Variants in WWOX observed in about 807,000 individuals in gnomAD.
The protein encoded by WWOX is WW domain containing oxidoreductase, also known as WW domain-containing oxidoreductase.
Under a neutral mutation model 46.2 loss-of-function variants are expected in WWOX, and 69 were observed. The ratio of observed to expected loss-of-function variants is 1.49; its 90% CI spans 1.23 to 1.82. WWOX has a LOEUF of 1.82. WWOX is among the 40% of genes most tolerant of loss of function. The pLI, the probability that WWOX is intolerant of heterozygous loss-of-function variation, is 0.00. For missense variants in WWOX, 919 were observed against 542.6 expected, an observed-to-expected ratio of 1.69 and a Z score of -6.89; for synonymous variants, 359 against 202.6, an observed-to-expected ratio of 1.77 and a Z score of -6.56.
intron 8 of WWOX, among the ~76,000 whole-genome samples, chr16:78,686,444 G>T (rs1417636900): frequency 2.6e-5 from 4 of 151,942 alleles, no homozygotes; most frequent in Admixed American, 2.0e-4. Flanking sequence ...CCGGGAGGTG[G>T]AGTTTGCAGT....
intron 8 of WWOX, among the ~76,000 whole-genome samples, chr16:78,940,437 G>A (rs1480202730): frequency 3.9e-5 from 6 of 152,164 alleles, no homozygotes; most frequent in Admixed American, 6.5e-5. Context: ...TTGCTTTTTA[G>A]ATACAAGTCA....
chr16:78,304,509 A>G (rs1355971347), intron 5 of WWOX, among the ~76,000 whole-genome samples: 2 of 152,220 alleles, frequency 1.3e-5, no homozygotes, highest in Non-Finnish European at 2.9e-5. Flanking sequence ...GGGTCTTAGT[A>G]AAATGTCTGC....
intron 8 of WWOX, chr16:78,780,395 A>G (rs1205380466): frequency 6.6e-6 from 1 of 152,222 alleles, no homozygotes; most frequent in African/African-American, 2.4e-5. Flanking sequence ...AATTCATGTC[A>G]TCCTTTGGAT....
At chr16:78,584,287 C>T (rs1482354724) in intron 8 of WWOX, among the ~76,000 whole-genome samples, 1 of 152,182 alleles carries the variant, frequency 6.6e-6, no homozygotes, top group Non-Finnish European at 1.5e-5. Context: ...TATTCCCAAC[C>T]ATGGAGTCAT....
chr16:78,187,887 T>C (rs2035759847), intron 5 of WWOX, among the ~76,000 whole-genome samples: 1 of 152,162 alleles, frequency 6.6e-6, no homozygotes, highest in Admixed American at 6.5e-5. Context: ...CGGTGGGTTC[T>C]AGGGATTTCA....
At chr16:78,901,090 C>T (rs955112448) in intron 8 of WWOX, among the ~76,000 whole-genome samples, 12 of 152,158 alleles carry the variant, frequency 7.9e-5, no homozygotes, top group African/African-American at 2.9e-4. Flanking sequence ...CTAGAAGTTC[C>T]GGTTCTCCCA....
At chr16:78,935,598 G>A (rs1481852148) in intron 8 of WWOX, among the ~76,000 whole-genome samples, 1 of 145,494 alleles carries the variant, frequency 6.9e-6, no homozygotes, top group Non-Finnish European at 1.5e-5. Flanking sequence ...ACACACCGGG[G>A]CCTGTCGTGG....
intron 8 of WWOX, among the ~76,000 whole-genome samples, chr16:78,792,191 G>C (rs528670366): frequency 6.6e-6 from 1 of 152,080 alleles, no homozygotes. Context: ...GCCATCTCTG[G>C]GTTTGAGGTG....
At chr16:79,187,785 A>C (rs1311838995) in intron 8 of WWOX, among the ~76,000 whole-genome samples, 2 of 152,246 alleles carry the variant, frequency 1.3e-5, no homozygotes, top group East Asian at 3.9e-4. Flanking sequence ...CAAGCAATGC[A>C]CTGGCCTTGG....
chr16:78,748,015 G>A (rs541394065), intron 8 of WWOX, among the ~76,000 whole-genome samples: 2 of 152,280 alleles, frequency 1.3e-5, no homozygotes, highest in Non-Finnish European at 2.9e-5. Flanking sequence ...CATCTGCGCC[G>A]AAGAGTATTG....
intron 5 of WWOX, among the ~76,000 whole-genome samples, chr16:78,194,517 G>A (rs1278146171): frequency 1.3e-5 from 2 of 150,340 alleles, no homozygotes; most frequent in Non-Finnish European, 3.0e-5. Context: ...GAGCCTGGGA[G>A]GCAGAGGTTG....
chr16:79,005,859 C>G (rs1397713332), intron 8 of WWOX, among the ~76,000 whole-genome samples: 2 of 152,176 alleles, frequency 1.3e-5, no homozygotes, highest in Non-Finnish European at 2.9e-5. Context: ...TAGAACATAG[C>G]TCAGGCCAAG....
intron 8 of WWOX, among the ~76,000 whole-genome samples, chr16:78,464,895 G>A (rs576716370): frequency 2.3e-4 from 35 of 152,298 alleles, no homozygotes; most frequent in African/African-American, 7.7e-4. Flanking sequence ...ACCCGAGACT[G>A]GGTAATTTAT....
intron 5 of WWOX, among the ~76,000 whole-genome samples, chr16:78,281,337 A>G (rs376930192): frequency 2.0e-5 from 3 of 152,188 alleles, no homozygotes; most frequent in Non-Finnish European, 4.4e-5. Flanking sequence ...TCCAAACTAT[A>G]TCAGGATCCC....
At chr16:78,497,166 G>A (rs1006527038) in intron 8 of WWOX, among the ~76,000 whole-genome samples, 28 of 152,182 alleles carry the variant, frequency 1.8e-4, no homozygotes, top group African/African-American at 6.8e-4. Context: ...GAGTGGTGGT[G>A]TTTGGAAAGA....
intron 7 of WWOX, among the ~76,000 whole-genome samples, chr16:78,426,377 C>G (rs1288066733): frequency 6.6e-6 from 1 of 152,088 alleles, no homozygotes; most frequent in Non-Finnish European, 1.5e-5. Flanking sequence ...GAGATTATGT[C>G]GAATTGTCAG....
At chr16:78,951,901 G>T (rs2046067891) in intron 8 of WWOX, among the ~76,000 whole-genome samples, 1 of 152,158 alleles carries the variant, frequency 6.6e-6, no homozygotes, top group Admixed American at 6.5e-5. Context: ...GAGGACAGTG[G>T]AATCCAGCAG....
intron 8 of WWOX, among the ~76,000 whole-genome samples, chr16:78,865,381 G>T (rs2043981495): frequency 6.6e-6 from 1 of 152,178 alleles, no homozygotes; most frequent in Non-Finnish European, 1.5e-5. Flanking sequence ...AGGGCAGATA[G>T]AGGTCAACAC....
At chr16:78,155,403 G>C (rs1270800172) in intron 4 of WWOX, among the ~76,000 whole-genome samples, 1 of 152,152 alleles carries the variant, frequency 6.6e-6, no homozygotes, top group Non-Finnish European at 1.5e-5. Context: ...GATAGTATAA[G>C]ATAAGTAGGT....
Sources: allele counts gnomAD v4.1 joint callset (sites outside exome capture counted in the v4.1 genomes callset), GRCh38; gene constraint gnomAD v4.1.1; transcripts MANE v1.5; gene names NCBI Gene and HGNC (gene_info 2026-07-23, HGNC 2026-07-21).